Variants in FARS2 observed in about 807,000 individuals in gnomAD.
The protein encoded by FARS2 is phenylalanine--tRNA ligase, mitochondrial.
A neutral mutation model predicts 46.4 loss-of-function variants in FARS2; 40 were observed. The ratio of observed to expected loss-of-function variants is 0.86; its 90% CI spans 0.67 to 1.12. The LOEUF (loss-of-function observed/expected upper bound fraction) is 1.12, where lower values mean the gene tolerates loss of function less well. Ranked by LOEUF, FARS2 falls within the 50% of genes most tolerant of loss-of-function variation. The pLI, the probability that FARS2 is intolerant of heterozygous loss-of-function variation, is 0.00. For synonymous variants in FARS2, 234 were observed against 214.9 expected (o/e 1.09, Z -0.78); for missense variants, 513 against 567.9 (o/e 0.90, Z 0.98).
At chr6:5,295,752 G>A (rs895497115) in intron 1 of FARS2, among the ~76,000 whole-genome samples, 1 of 152,156 alleles carries the variant, frequency 6.6e-6, no homozygotes, top group Admixed American at 6.5e-5. Flanking sequence ...GAAATAGGTG[G>A]CTTCTTCATC....
intron 4 of FARS2, among the ~76,000 whole-genome samples, chr6:5,527,524 A>G (rs1297990534): frequency 6.6e-6 from 1 of 152,236 alleles, no homozygotes. Context: ...ACTCTGTACA[A>G]TGTTTCAACA....
At chr6:5,684,291 G>A (rs182453425) in intron 6 of FARS2, among the ~76,000 whole-genome samples, 1 of 152,010 alleles carries the variant, frequency 6.6e-6, no homozygotes, top group African/African-American at 2.4e-5. Flanking sequence ...ACACGTCCCC[G>A]GCCCCTCACC....
chr6:5,632,712 A>G (rs1043545087), intron 6 of FARS2, among the ~76,000 whole-genome samples: 4 of 145,688 alleles, frequency 2.7e-5, no homozygotes, highest in South Asian at 2.1e-4. Context: ...CGTGGTTTCA[A>G]TTTGCATTTC....
intron 2 of FARS2, among the ~76,000 whole-genome samples, chr6:5,398,731 G>T (rs1761050972): frequency 6.6e-6 from 1 of 152,084 alleles, no homozygotes; most frequent in African/African-American, 2.4e-5. Flanking sequence ...TACAAAATAT[G>T]AATTCATATG....
intron 6 of FARS2, among the ~76,000 whole-genome samples, chr6:5,643,001 C>T (rs1485212673): frequency 1.3e-5 from 2 of 152,224 alleles, no homozygotes; most frequent in Non-Finnish European, 2.9e-5. Flanking sequence ...AACACAGCCT[C>T]TTCCCAGAGA....
intron 1 of FARS2, among the ~76,000 whole-genome samples, chr6:5,302,192 C>T (rs146778578): frequency 4.6e-5 from 7 of 152,310 alleles, no homozygotes; most frequent in African/African-American, 1.7e-4. Context: ...AGGCGCCATC[C>T]AAACCTGTGT....
At chr6:5,643,742 G>A (rs1776938621) in intron 6 of FARS2, among the ~76,000 whole-genome samples, 2 of 152,142 alleles carry the variant, frequency 1.3e-5, no homozygotes, top group Admixed American at 1.3e-4. Context: ...TAAACTGCTT[G>A]ATCCACAGTC....
At chr6:5,714,916 T>C (rs1283767472) in intron 6 of FARS2, among the ~76,000 whole-genome samples, 2 of 152,098 alleles carry the variant, frequency 1.3e-5, no homozygotes, top group Non-Finnish European at 2.9e-5. Flanking sequence ...TCCCAGCTGC[T>C]GAGGAGGCTG....
chr6:5,491,763 G>T (rs935064236), intron 4 of FARS2, among the ~76,000 whole-genome samples: 1 of 152,270 alleles, frequency 6.6e-6, no homozygotes, highest in African/African-American at 2.4e-5. Flanking sequence ...AACACCCACT[G>T]CTTCTGTACT....
intron 2 of FARS2, among the ~76,000 whole-genome samples, chr6:5,393,453 G>A (rs1173021815): frequency 2.0e-5 from 3 of 152,028 alleles, no homozygotes; most frequent in East Asian, 1.9e-4. Context: ...TCAAGAGATC[G>A]AGACCATCCT....
intron 3 of FARS2, among the ~76,000 whole-genome samples, chr6:5,426,642 T>C (rs555514474): frequency 1.3e-5 from 2 of 152,212 alleles, no homozygotes; most frequent in Non-Finnish European, 2.9e-5. Context: ...ATTTATTTAT[T>C]TGAGACTGAA....
intron 5 of FARS2, among the ~76,000 whole-genome samples, chr6:5,572,237 G>A (rs1427022418): frequency 6.6e-6 from 1 of 152,144 alleles, no homozygotes; most frequent in Non-Finnish European, 1.5e-5. Context: ...GAAGCTTACA[G>A]CCATGGCGGA....
At chr6:5,464,897 G>T (rs1041396331) in intron 4 of FARS2, among the ~76,000 whole-genome samples, 3 of 152,188 alleles carry the variant, frequency 2.0e-5, no homozygotes, top group African/African-American at 7.2e-5. Context: ...CTACAAAGAG[G>T]ATGAATTATC....
At chr6:5,673,891 A>G (rs930035092) in intron 6 of FARS2, among the ~76,000 whole-genome samples, 2 of 152,206 alleles carry the variant, frequency 1.3e-5, no homozygotes, top group Non-Finnish European at 2.9e-5. Flanking sequence ...GGACTAGACA[A>G]ACAAGGTGTT....
chr6:5,416,323 G>GGT (rs1158035854), intron 3 of FARS2, among the ~76,000 whole-genome samples: 4 of 152,158 alleles, frequency 2.6e-5, no homozygotes, highest in African/African-American at 9.7e-5. Context: ...GATGATCTGA[G>GGT]GTACGGATTG....
chr6:5,711,291 G>A (rs1216168161), intron 6 of FARS2, among the ~76,000 whole-genome samples: 4 of 151,266 alleles, frequency 2.6e-5, no homozygotes, highest in South Asian at 4.2e-4. Context: ...ATGCGGGATG[G>A]ATGAATGAAT....
intron 6 of FARS2, among the ~76,000 whole-genome samples, chr6:5,768,716 T>G (rs893028330): frequency 1.3e-5 from 2 of 152,228 alleles, no homozygotes; most frequent in African/African-American, 4.8e-5. Flanking sequence ...TGATTTGCAT[T>G]TCCCTGATGG....
At chr6:5,532,774 T>TAAGAAG (rs1391729088) in intron 4 of FARS2, among the ~76,000 whole-genome samples, 3 of 141,392 alleles carry the variant, frequency 2.1e-5, no homozygotes, top group South Asian at 4.4e-4. Context: ...GTAATAATAA[T>TAAGAAG]AATAATAATA....
At chr6:5,264,558 AT>A (rs1765419272) in intron 1 of FARS2, among the ~76,000 whole-genome samples, 1 of 150,708 alleles carries the variant, frequency 6.6e-6, no homozygotes, top group Non-Finnish European at 1.5e-5. Flanking sequence ...CAATGGTGCA[AT>A]CTCGTCCGGC....
Sources: allele counts gnomAD v4.1 joint callset (sites outside exome capture counted in the v4.1 genomes callset), GRCh38; gene constraint gnomAD v4.1.1; transcripts MANE v1.5; gene names NCBI Gene and HGNC (gene_info 2026-07-23, HGNC 2026-07-21).